RBMXL1: variants seen among roughly 807,000 people sequenced by gnomAD.
The protein encoded by RBMXL1 is RNA binding motif protein, X-linked-like-1.
A neutral mutation model predicts 29.0 loss-of-function variants in RBMXL1; 18 were observed. The ratio of observed to expected loss-of-function variants is 0.62; its 90% CI spans 0.43 to 0.92. The LOEUF (loss-of-function observed/expected upper bound fraction) is 0.92. RBMXL1 is among the 40% of genes least tolerant of loss of function. The pLI, the probability that RBMXL1 is intolerant of heterozygous loss-of-function variation, is 0.00. For missense variants in RBMXL1, 403 were observed against 495.8 expected (o/e 0.81, Z 1.78); for synonymous variants, 141 against 170.4 (o/e 0.83, Z 1.34).
chr1:88,988,177 C>A, intron 2 of RBMXL1, 75 bp downstream of exon 2: 4 of 890,928 alleles, frequency 4.5e-6, no homozygotes, highest in South Asian at 1.6e-5. Flanking sequence ...TGTAAAAAAG[C>A]ATCTGAAAAA....
At chr1:88,987,335 T>C (rs1281633847) in intron 2 of RBMXL1, among the ~76,000 whole-genome samples, 1 of 152,150 alleles carries the variant, frequency 6.6e-6, no homozygotes, top group Non-Finnish European at 1.5e-5. Context: ...AAAAAGGTGG[T>C]CACGGTGGCA....
At position 88,985,790 on chromosome 1, in the gene RBMXL1, T is replaced by C. The variant is rs141944397; in HGVS notation, c.-240-1724A>G. Among the ~76,000 whole-genome samples the C allele has an allele frequency of 7.5e-4, 114 of 152,328 alleles. 3 individuals are homozygous for C. In the East Asian group the frequency reaches 0.019, roughly 26 times the overall value. On this transcript the variant is annotated intron_variant, in intron 2 of 2. Transcript: ENST00000652648. The stretch of plus-strand genomic sequence containing the variant: ...CCCACTCAGAAAGTAGGAAAGATTC[T>C]CTTAGATACAAGTAAGGATGAGTAA...
intron 1 of RBMXL1, among the ~76,000 whole-genome samples, chr1:88,990,952 A>G (rs1452205948): frequency 1.3e-5 from 2 of 152,202 alleles, no homozygotes; most frequent in Non-Finnish European, 2.9e-5. Flanking sequence ...TCTAAACAAT[A>G]TTTTCATTGT....
In RBMXL1 at chr1:88,983,278, T is replaced by C. The variant is rs748359347; in HGVS notation, c.549A>G (p.Leu183=). The C allele has an allele frequency of 9.9e-6, 16 of 1,613,704 alleles. No homozygotes were observed. In the South Asian group the frequency reaches 1.8e-4, roughly 18 times the overall value. Reference sequence around the variant, plus strand: ...CTCCATAACTATCTCTTCCACGTGATAGAGGAGCTCTTCCTCCCATTCCAC... The same window carrying C: ...CTCCATAACTATCTCTTCCACGTGACAGAGGAGCTCTTCCTCCCATTCCAC... The part of the protein sequence containing the change: ...SSSGMGGRAP[L]SRGRDSYGGP... The change falls in exon 3 of 3, where the codon CTA becomes CTG. Residue 183 remains leucine, a synonymous_variant. Transcript: ENST00000652648.
chr1:88,989,860 T>C (rs754428165), intron 1 of RBMXL1, among the ~76,000 whole-genome samples: 3 of 152,194 alleles, frequency 2.0e-5, no homozygotes, highest in Non-Finnish European at 4.4e-5. Context: ...CATCATGCAA[T>C]GTACTTCCTG....
At position 88,980,085 on chromosome 1, in the gene RBMXL1, CATTTAT is replaced by C. The variant is rs1297202806; in HGVS notation, c.*2563_*2568del. 2 of 152,156 alleles carry C rather than the reference CATTTAT, an allele frequency of 1.3e-5. No homozygotes were observed. The highest frequency in any genetic ancestry group is 2.1e-4 in the South Asian group (1 of 4,824). 9.4% of individuals were successfully genotyped at this position (152,156 alleles called of 1,614,324 possible). ...CAAAAAAGTACATGCTACACAATCC[CATTTAT>C]ATAAAATACTAAACACCACCACAAA... On this transcript the variant is annotated 3_prime_UTR_variant, in exon 3 of 3. Transcript: ENST00000652648.
intron 2 of RBMXL1, among the ~76,000 whole-genome samples, chr1:88,984,892 T>C (rs1557708152): frequency 1.3e-5 from 2 of 152,266 alleles, no homozygotes; most frequent in African/African-American, 2.4e-5. Context: ...TTACTACATA[T>C]GAATTTGTGC....
Position 88,992,048 on chromosome 1 carries a change from G to C in RBMXL1, c.-341+537C>G, listed in dbSNP as rs377054386. Among the ~76,000 whole-genome samples the C allele has an allele frequency of 3.1e-3, 456 of 148,070 alleles. 3 individuals carry two copies. The highest frequency in any genetic ancestry group is 0.011 in the African/African-American group (429 of 40,156). ...GGCTGGAGTGCAGTGGCCCGATCTC[G>C]GCTCACTGCAAGCTCCGCCTCCCGG... On this transcript the variant is annotated intron_variant, in intron 1 of 2. Transcript: ENST00000652648.
intron 2 of RBMXL1, 135 bp from the exon 3 acceptor site, chr1:88,984,201 TTGC>T: frequency 1.1e-5 from 2 of 175,906 alleles, no homozygotes; most frequent in Non-Finnish European, 2.3e-5. Context: ...CCTTTTTTTG[TTGC>T]TTTTTTTTTT....
Position 88,979,942 on chromosome 1 carries a change from A to G in RBMXL1, c.*2712T>C, listed in dbSNP as rs1676996835. On this transcript the variant is annotated 3_prime_UTR_variant, in exon 3 of 3. Transcript: ENST00000652648. ...CAAGGTCCATCAACAGGTGAGTAGA[A>G]AAACAAATAATGGCATATTCACATA... 6.6e-6 allele frequency: 1 copy of G among 152,244 alleles called. No homozygotes were observed. The highest frequency in any genetic ancestry group is 2.1e-4 in the South Asian group (1 of 4,834). 9.4% of individuals were successfully genotyped at this position (152,244 alleles called of 1,614,324 possible).
At chr1:88,987,259 G>A (rs1677516472) in intron 2 of RBMXL1, among the ~76,000 whole-genome samples, 2 of 152,122 alleles carry the variant, frequency 1.3e-5, no homozygotes, top group Admixed American at 1.3e-4. Flanking sequence ...GGTTTCATAT[G>A]TTCACCTTGG....
intron 2 of RBMXL1, among the ~76,000 whole-genome samples, chr1:88,985,888 A>G (rs1305942096): frequency 6.6e-6 from 1 of 152,192 alleles, no homozygotes; most frequent in Admixed American, 6.5e-5. Context: ...TCACATCAAA[A>G]GAGAGGGTTG....
intron 1 of RBMXL1, among the ~76,000 whole-genome samples, chr1:88,988,624 G>C (rs758040646): frequency 1.1e-4 from 17 of 152,010 alleles, no homozygotes; most frequent in Non-Finnish European, 1.9e-4. Flanking sequence ...AAAAAATAAG[G>C]CTTTAATTTA....
chr1:88,990,075 G>C (rs956436618), intron 1 of RBMXL1, among the ~76,000 whole-genome samples: 1 of 152,100 alleles, frequency 6.6e-6, no homozygotes, highest in East Asian at 1.9e-4. Flanking sequence ...AGTCCAAGCA[G>C]ATTGCGCTCT....
chr1:88,981,889 T>C lies in RBMXL1; in HGVS notation c.*765A>G. On this transcript the variant is annotated 3_prime_UTR_variant, in exon 3 of 3. Coordinates refer to ENST00000652648, the MANE Select transcript of RBMXL1 (RefSeq NM_001162536.3). ...TCTATTTTCTCCTTTGCAATCAAGCTGTTCCTTTAAAAGTGAGACATTAGA... is the reference window on the plus strand; with the variant it reads ...TCTATTTTCTCCTTTGCAATCAAGCCGTTCCTTTAAAAGTGAGACATTAGA... 1.2e-6 allele frequency: 1 copy of C among 838,242 alleles called. No individual in the cohort carries two copies. Among genetic ancestry groups the C allele is most frequent in the Non-Finnish European group, 1.4e-6 (1 of 695,422 alleles). 51.9% of individuals were successfully genotyped at this position (838,242 alleles called of 1,614,324 possible). A position where few individuals can be genotyped will look rare whatever the true frequency, so the allele number is the denominator to read the frequency against.
chr1:88,984,141 T>TA (rs1221171329), intron 2 of RBMXL1, 75 bp from the exon 3 acceptor site: 5 of 288,552 alleles, frequency 1.7e-5, no homozygotes, highest in Non-Finnish European at 2.7e-5. Context: ...TAAAGATACA[T>TA]AAAAAATGCA....
intron 1 of RBMXL1, among the ~76,000 whole-genome samples, chr1:88,991,238 A>C (rs1015557009): frequency 1.3e-5 from 2 of 152,260 alleles, no homozygotes; most frequent in African/African-American, 4.8e-5. Context: ...AAGGCAGACA[A>C]GCCCGTCAAA....
Position 88,981,989 on chromosome 1 carries a change from A to C in RBMXL1, c.*665T>G, listed in dbSNP as rs1483393782. On this transcript the variant is annotated 3_prime_UTR_variant, in exon 3 of 3. Coordinates refer to ENST00000652648, the MANE Select transcript of RBMXL1 (RefSeq NM_001162536.3). ...TTGGTTTTGGCCAAACTTTTTATTT[A>C]GTATTCCGTAGTTGTTTAGCACACA... The C allele has an allele frequency of 3.1e-6, 3 of 982,848 alleles. No individual in the cohort carries two copies. The African/African-American group carries it at 5.3e-5, about 17-fold the overall frequency. 60.9% of individuals were successfully genotyped at this position (982,848 alleles called of 1,614,324 possible).
In RBMXL1 at chr1:88,983,718, C is replaced by A. The variant is rs1225423368; in HGVS notation, c.109G>T (p.Val37Leu). 3 of 1,613,852 alleles carry A rather than the reference C, an allele frequency of 1.9e-6. No individual in the cohort carries two copies. The African/African-American group carries it at 4.0e-5, about 22-fold the overall frequency. ...VFGKYGRIVE[V>L]LLIKDRETNK... The stretch of plus-strand genomic sequence containing the variant: ...GTTTCACGGTCTTTTATCAAGAGTA[C>A]TTCCACTATTCGTCCATATTTGCCA... The change falls in exon 3 of 3, where the codon GTA (valine) becomes TTA (leucine). Residue 37 changes from valine to leucine, a missense_variant. Transcript: ENST00000652648.
Sources: allele counts gnomAD v4.1 joint callset (sites outside exome capture counted in the v4.1 genomes callset), GRCh38; gene constraint gnomAD v4.1.1; transcripts MANE v1.5; gene names NCBI Gene and HGNC (gene_info 2026-07-23, HGNC 2026-07-21).